PCDHB13: variants seen among roughly 807,000 people sequenced by gnomAD.
PCDHB13 encodes protocadherin beta-13.
For synonymous variants in PCDHB13, 515 were observed against 450.7 expected, an observed-to-expected ratio of 1.14 and a Z score of -1.81; for missense variants, 1,065 against 1,016.7, an observed-to-expected ratio of 1.05 and a Z score of -0.65.
At position 141,216,583 on chromosome 5, in the gene PCDHB13, T is replaced by C. The variant is rs782117840; in HGVS notation, c.*63T>C. 2 of 1,301,566 alleles carry C rather than the reference T, an allele frequency of 1.5e-6. No homozygotes were observed. The highest frequency in any genetic ancestry group is 2.2e-6 in the Non-Finnish European group (2 of 894,684). 80.6% of individuals were successfully genotyped at this position (1,301,566 alleles called of 1,614,324 possible). A position where few individuals can be genotyped will look rare whatever the true frequency, so the allele number is the denominator to read the frequency against. ...TGTGGCATTTCCATGCCAATGTTTA[T>C]TTCCCCCAATTTGTGTGTATGTAAT... On this transcript the variant is annotated 3_prime_UTR_variant, in exon 1 of 1. Transcript: ENST00000341948.
At position 141,214,916 on chromosome 5, in the gene PCDHB13, G is replaced by T; in HGVS notation, c.793G>T (p.Val265Phe). 2 of 1,614,188 alleles carry T rather than the reference G, an allele frequency of 1.2e-6. No individual in the cohort carries two copies. Among genetic ancestry groups the T allele is most frequent in the Non-Finnish European group, 1.7e-6 (2 of 1,180,034 alleles). Residue 265 changes from valine (V) to phenylalanine (F), a missense_variant, in exon 1 of 1, where the codon GTC (valine) becomes TTC (phenylalanine). By Grantham distance (50) the Val-to-Phe change is conservative. Transcript: ENST00000341948. ...TCCGGTAGGCTTCCTGGTTGTGAAG[G>T]TCTCTGCCACGGATGTAGACACAGG... ...DSPVGFLVVK[V>F]SATDVDTGVN... is the part of the protein sequence containing the mutation.
chr5:141,215,012 C>A lies in PCDHB13; in HGVS notation c.889C>A (p.Pro297Thr), dbSNP rs1554287773. The A allele has an allele frequency of 6.2e-7, 1 of 1,613,990 alleles. No homozygotes were observed. The highest frequency in any genetic ancestry group is 8.5e-7 in the Non-Finnish European group (1 of 1,180,046). ...EEIGKTFKIN[P>T]LTGEIELKKQ... The stretch of plus-strand genomic sequence containing the variant: ...GATTGGCAAAACCTTTAAGATCAAT[C>A]CCTTGACAGGAGAAATTGAACTAAA... The change falls in exon 1 of 1, where the codon CCC becomes ACC. Residue 297 changes from proline (P) to threonine (T), a missense_variant. Transcript: ENST00000341948.
rs1452549647 is a variant in PCDHB13 at position 141,216,016 on chromosome 5, C to G, written c.1893C>G (p.Ser631Arg). Residue 631 changes from serine (S) to arginine (R), a missense_variant, in exon 1 of 1, where the codon AGC (serine) becomes AGG (arginine). By Grantham distance (110) the Ser-to-Arg change is moderately radical (BLOSUM62 -1). Coordinates refer to ENST00000341948, the MANE Select transcript of PCDHB13 (RefSeq NM_018933.4). ...NGEVRTARLL[S>R]ERDAAKHRLV... is the part of the protein sequence containing the mutation. ...AGGTGCGCACCGCCAGGCTGCTGAG[C>G]GAGCGCGACGCGGCCAAGCACAGGC... 1.1e-5 allele frequency: 18 copies of G among 1,606,852 alleles called. No individual in the cohort carries two copies. The highest frequency in any genetic ancestry group is 2.7e-5 in the African/African-American group (2 of 74,864).
chr5:141,215,388 C>G lies in PCDHB13; in HGVS notation c.1265C>G (p.Thr422Ser). The G allele has an allele frequency of 6.2e-7, 1 of 1,614,212 alleles. No individual in the cohort carries two copies. Among genetic ancestry groups the G allele is most frequent in the Non-Finnish European group, 8.5e-7 (1 of 1,180,050 alleles). ...ESRAEYNITI[T>S]VTDLGTPMLI... Reference sequence around the variant, plus strand: ...AGAGCGGAATACAACATCACTATCACTGTCACTGACTTGGGGACCCCTATG... The same window carrying G: ...AGAGCGGAATACAACATCACTATCAGTGTCACTGACTTGGGGACCCCTATG... The change falls in exon 1 of 1, where the codon ACT becomes AGT. Residue 422 changes from threonine (T) to serine (S), a missense_variant. By Grantham distance (58) the Thr-to-Ser change is moderately conservative (BLOSUM62 1). Transcript: ENST00000341948.
Position 141,214,477 on chromosome 5 carries a change from T to C in PCDHB13, c.354T>C (p.Phe118=). The C allele has an allele frequency of 6.3e-7, 1 of 1,596,700 alleles. No homozygotes were observed. Among genetic ancestry groups the C allele is most frequent in the Non-Finnish European group, 8.6e-7 (1 of 1,166,134 alleles). The part of the protein sequence containing the change: ...QVLLESPFEF[F]QAELQVIDIN... ...TGCTAGAGAGTCCCTTCGAGTTTTT[T>C]CAAGCTGAGCTGCAAGTAATAGACA... is the stretch of plus-strand genomic sequence containing the variant. Residue 118 remains phenylalanine (F), a synonymous_variant, in exon 1 of 1, where the codon TTT becomes TTC. Transcript: ENST00000341948.
Position 141,215,745 on chromosome 5 carries a change from T to C in PCDHB13, c.1622T>C (p.Leu541Pro). 1 of 1,612,152 alleles carries C rather than the reference T, an allele frequency of 6.2e-7. No homozygotes were observed. The highest frequency in any genetic ancestry group is 8.5e-7 in the Non-Finnish European group (1 of 1,179,812). The change falls in exon 1 of 1, where the codon CTG becomes CCG. Residue 541 changes from leucine to proline, a missense_variant. Leu to Pro is a moderately conservative substitution (Grantham distance 98). Transcript: ENST00000341948. Reference sequence around the variant, plus strand: ...GCTTCAGACCACGGCTCCCCGGCGCTGAGCAGCGAGGCGCTGGTGCGCGTG... The same window carrying C: ...GCTTCAGACCACGGCTCCCCGGCGCCGAGCAGCGAGGCGCTGGTGCGCGTG... ...VGASDHGSPALSSEALVRVVV... is the reference protein window; with the variant it reads ...VGASDHGSPAPSSEALVRVVV...
At position 141,216,419 on chromosome 5, in the gene PCDHB13, T is replaced by G. The variant is rs564474172; in HGVS notation, c.2296T>G (p.Phe766Val). 1.4e-4 allele frequency: 234 copies of G among 1,614,128 alleles called. 4 individuals are homozygous for G. In the South Asian group the frequency reaches 2.4e-3, roughly 17 times the overall value. The change falls in exon 1 of 1, where the codon TTC (phenylalanine) becomes GTC (valine). Residue 766 changes from phenylalanine to valine, a missense_variant. Phe to Val is a conservative substitution (Grantham distance 50). Coordinates refer to ENST00000341948, the MANE Select transcript of PCDHB13 (RefSeq NM_018933.4). ...AGGSGTNEFK[F>V]LKPIIPNFPP... The stretch of plus-strand genomic sequence containing the variant: ...AGGCTCAGGGACCAATGAGTTCAAG[T>G]TCCTGAAGCCGATTATCCCCAACTT...
Position 141,215,929 on chromosome 5 carries a change from G to C in PCDHB13, c.1806G>C (p.Leu602=). The change falls in exon 1 of 1, where the codon CTG becomes CTC. Residue 602 remains leucine (L), a synonymous_variant. Transcript: ENST00000341948. The part of the protein sequence containing the change: ...VDGDSGQNAW[L]SYQLLKATEL... ...GCGACTCGGGCCAGAACGCCTGGCT[G>C]TCGTACCAGCTGCTCAAGGCCACGG... 1 of 1,606,952 alleles carries C rather than the reference G, an allele frequency of 6.2e-7. No homozygotes were observed. The highest frequency in any genetic ancestry group is 8.5e-7 in the Non-Finnish European group (1 of 1,179,196).
Position 141,216,232 on chromosome 5 carries a change from T to C in PCDHB13, c.2109T>C (p.Phe703=), listed in dbSNP as rs782199198. 284 of 1,613,120 alleles carry C rather than the reference T, an allele frequency of 1.8e-4. 1 individual carries two copies. Among genetic ancestry groups the C allele is most frequent in the South Asian group, 1.7e-3 (151 of 91,042 alleles). The change falls in exon 1 of 1, where the codon TTT becomes TTC. Residue 703 remains phenylalanine, a synonymous_variant. Transcript: ENST00000341948. Reference sequence around the variant, plus strand: ...CCTCGGTGTCTTCGCTCTTCCTCTTTTCGGTGCTCCTGTTCGTGGCGGTGC... The same window carrying C: ...CCTCGGTGTCTTCGCTCTTCCTCTTCTCGGTGCTCCTGTTCGTGGCGGTGC... ...ALASVSSLFL[F]SVLLFVAVRL... is the part of the protein sequence containing the mutation.
chr5:141,216,964 G>T lies in PCDHB13; in HGVS notation c.*444G>T. ...TTTTTGTAAATCCAGTGCGTTTTTA[G>T]TTAACCTTTAAATATGCTTTTTGCT... On this transcript the variant is annotated 3_prime_UTR_variant, in exon 1 of 1. Coordinates refer to ENST00000341948, the MANE Select transcript of PCDHB13 (RefSeq NM_018933.4). 1 of 251,626 alleles carries T rather than the reference G, an allele frequency of 4.0e-6. No individual in the cohort carries two copies. Among genetic ancestry groups the T allele is most frequent in the Non-Finnish European group, 8.1e-6 (1 of 122,832 alleles). 15.6% of individuals were successfully genotyped at this position (251,626 alleles called of 1,614,324 possible).
rs17844613 is a variant in PCDHB13, at chr5:141,215,783, G to T, written c.1660G>T (p.Ala554Ser). 1.2e-3 allele frequency: 1,973 copies of T among 1,611,700 alleles called. 33 individuals carry two copies. The East Asian group carries it at 0.035, about 28-fold the overall frequency. Reference protein sequence around the residue: ...EALVRVVVLDANDNSPFVLYP... With the variant: ...EALVRVVVLDSNDNSPFVLYP... Reference sequence around the variant, plus strand: ...GCTGGTGCGCGTGGTGGTGCTGGACGCCAACGACAACTCGCCCTTCGTGCT... The same window carrying T: ...GCTGGTGCGCGTGGTGGTGCTGGACTCCAACGACAACTCGCCCTTCGTGCT... Residue 554 changes from alanine to serine, a missense_variant, in exon 1 of 1, where the codon GCC (alanine) becomes TCC (serine). Ala to Ser is a moderately conservative substitution (Grantham distance 99). Coordinates refer to ENST00000341948, the MANE Select transcript of PCDHB13 (RefSeq NM_018933.4).
At position 141,216,337 on chromosome 5, in the gene PCDHB13, C is replaced by T. The variant is rs781823984; in HGVS notation, c.2214C>T (p.Asp738=). 1.9e-6 allele frequency: 3 copies of T among 1,614,148 alleles called. No homozygotes were observed. The highest frequency in any genetic ancestry group is 1.1e-5 in the South Asian group (1 of 91,080). ...PEGPLPGHLV[D]MSGTRTLSQS... ...GCCCCCTTCCAGGGCATCTTGTGGA[C>T]ATGAGCGGCACCAGGACCCTATCCC... is the stretch of plus-strand genomic sequence containing the variant. The change falls in exon 1 of 1, where the codon GAC becomes GAT. Residue 738 remains aspartate, a synonymous_variant. Coordinates refer to ENST00000341948, the MANE Select transcript of PCDHB13 (RefSeq NM_018933.4).
Sources: allele counts gnomAD v4.1 joint callset, GRCh38; gene constraint gnomAD v4.1.1; transcripts MANE v1.5; gene names NCBI Gene and HGNC (gene_info 2026-07-23, HGNC 2026-07-21).